Variants in CUX1 observed in about 807,000 individuals in gnomAD.
CUX1 encodes the protein cut like homeobox 1.
Under a neutral mutation model 158.8 loss-of-function variants are expected in CUX1, and 31 were observed. The observed-to-expected ratio is 0.20, with a 90% CI of 0.15 to 0.26. The LOEUF (loss-of-function observed/expected upper bound fraction) is 0.26. CUX1 is among the 10% of genes least tolerant of loss of function. CUX1 has a pLI of 1.00. For synonymous variants in CUX1, 879 were observed against 862.1 expected, an observed-to-expected ratio of 1.02 and a Z score of -0.34; for missense variants, 1,589 against 2,014.6, an observed-to-expected ratio of 0.79 and a Z score of 4.04.
chr7:102,055,032 C>T (rs1394207460), intron 3 of CUX1, among the ~76,000 whole-genome samples: 1 of 151,612 alleles, frequency 6.6e-6, no homozygotes, highest in African/African-American at 2.4e-5. Flanking sequence ...AAATCAACTT[C>T]GTGACTATTG....
intron 8 of CUX1, among the ~76,000 whole-genome samples, chr7:102,151,905 C>G (rs1418153948): frequency 6.6e-6 from 1 of 151,596 alleles, no homozygotes; most frequent in South Asian, 2.1e-4. Flanking sequence ...AAGAATACCT[C>G]CTTAGAAAAA....
At chr7:101,862,962 A>G (rs1489321015) in intron 1 of CUX1, among the ~76,000 whole-genome samples, 3 of 152,058 alleles carry the variant, frequency 2.0e-5, no homozygotes, top group African/African-American at 7.3e-5. Context: ...AAGATCATGA[A>G]TGCTTTTGTG....
intron 1 of CUX1, among the ~76,000 whole-genome samples, chr7:101,888,224 G>A (rs910930592): frequency 9.2e-5 from 14 of 152,060 alleles, no homozygotes; most frequent in African/African-American, 2.7e-4. Context: ...CCAGCTACTC[G>A]GGAGGCTGAG....
intron 18 of CUX1, among the ~76,000 whole-genome samples, chr7:102,278,657 A>AAAAATAT (rs1214008717): frequency 4.0e-5 from 4 of 99,106 alleles, no homozygotes; most frequent in African/African-American, 1.3e-4. Flanking sequence ...AATAAAATAA[A>AAAAATAT]AAAATAAAAT....
At chr7:101,990,430 G>A (rs964443871) in intron 2 of CUX1, among the ~76,000 whole-genome samples, 6 of 151,934 alleles carry the variant, frequency 3.9e-5, no homozygotes, top group South Asian at 2.1e-4. Context: ...AGGCTGGAGT[G>A]CAGTGGTGAG....
chr7:102,193,986 A>G, intron 13 of CUX1, 96 bp downstream of exon 13: 1 of 1,216,750 alleles, frequency 8.2e-7, no homozygotes, highest in Non-Finnish European at 1.2e-6. Context: ...TGTTTCTACG[A>G]GACCTCTCAC....
chr7:102,249,464 CTTTTTT>C lies in CUX1; in HGVS notation c.*423_*428del, dbSNP rs1801247508. 1 of 983,678 alleles carries C rather than the reference CTTTTTT, an allele frequency of 1.0e-6. No homozygotes were observed. The highest frequency in any genetic ancestry group is 1.2e-6 in the Non-Finnish European group (1 of 828,040). 60.9% of individuals were successfully genotyped at this position (983,678 alleles called of 1,614,324 possible). A position where few individuals can be genotyped will look rare whatever the true frequency, so the allele number is the denominator to read the frequency against. On this transcript the variant is annotated 3_prime_UTR_variant, in exon 24 of 24. Transcript: ENST00000292535. ...AAGAAAACGGAAATGTGTGGTCGAG[CTTTTTT>C]GTACCCTGAAGTGTTTTTTTTATTG...
chr7:101,920,298 A>G (rs1368233614), intron 2 of CUX1, among the ~76,000 whole-genome samples: 3 of 150,954 alleles, frequency 2.0e-5, no homozygotes, highest in Admixed American at 6.6e-5. Context: ...ATTTTTTTGT[A>G]TTTTTAGTAG....
intron 6 of CUX1, among the ~76,000 whole-genome samples, chr7:102,109,893 T>C (rs1699032364): frequency 6.6e-6 from 1 of 152,136 alleles, no homozygotes; most frequent in African/African-American, 2.4e-5. Context: ...TACAGCAGTA[T>C]CTCCACAATG....
At chr7:102,081,120 T>C (rs546591771) in intron 4 of CUX1, among the ~76,000 whole-genome samples, 70 of 152,302 alleles carry the variant, frequency 4.6e-4, no homozygotes, top group African/African-American at 1.6e-3. Flanking sequence ...CTCCTTAGAC[T>C]TTTGTGGCCT....
chr7:101,850,542 G>A (rs1022795001), intron 1 of CUX1, among the ~76,000 whole-genome samples: 5 of 150,738 alleles, frequency 3.3e-5, no homozygotes, highest in African/African-American at 9.8e-5. Context: ...CACTGTGCCC[G>A]GCTAATTGTT....
intron 8 of CUX1, among the ~76,000 whole-genome samples, chr7:102,157,955 G>A (rs1789960690): frequency 6.6e-6 from 1 of 152,180 alleles, no homozygotes; most frequent in Non-Finnish European, 1.5e-5. Context: ...AATGAACCCA[G>A]GCTGTCTGCA....
chr7:102,165,725 G>GT (rs782147249), intron 9 of CUX1, among the ~76,000 whole-genome samples: 2 of 152,134 alleles, frequency 1.3e-5, no homozygotes, highest in Non-Finnish European at 2.9e-5. Context: ...ATGGGCAGGG[G>GT]TTGGGGGGCC....
At chr7:102,036,971 C>CGAGGG (rs1436391246) in intron 3 of CUX1, among the ~76,000 whole-genome samples, 3 of 152,120 alleles carry the variant, frequency 2.0e-5, no homozygotes, top group African/African-American at 4.8e-5. Context: ...CAAGCAGTTC[C>CGAGGG]CTTGAGCCCT....
intron 8 of CUX1, among the ~76,000 whole-genome samples, chr7:102,126,331 G>A (rs568738356): frequency 7.9e-5 from 12 of 152,092 alleles, no homozygotes; most frequent in South Asian, 2.1e-4. Context: ...GAGGTACCAC[G>A]CCCGGCCCGT....
chr7:101,999,217 C>CTTTTTTTTTTTTTTT (rs3988167), intron 2 of CUX1, among the ~76,000 whole-genome samples: 2 of 85,834 alleles, frequency 2.3e-5, no homozygotes, highest in Admixed American at 1.7e-4. Flanking sequence ...TTTTTTTTAC[C>CTTTTTTTTTTTTTTT]TTTTTTTTTT....
At chr7:102,190,381 A>G (rs781802569) in intron 12 of CUX1, among the ~76,000 whole-genome samples, 6 of 152,008 alleles carry the variant, frequency 3.9e-5, no homozygotes, top group Non-Finnish European at 8.8e-5. Flanking sequence ...TCAAGCTTCA[A>G]AGTTCCTTTC....
chr7:102,109,981 T>C (rs567981249), intron 6 of CUX1, among the ~76,000 whole-genome samples: 1 of 152,194 alleles, frequency 6.6e-6, no homozygotes, highest in African/African-American at 2.4e-5. Flanking sequence ...AATTATTTAA[T>C]AAGAATGAGG....
chr7:102,231,871 GC>G (rs1304123400), intron 21 of CUX1, among the ~76,000 whole-genome samples: 6 of 151,650 alleles, frequency 4.0e-5, no homozygotes, highest in African/African-American at 1.5e-4. Flanking sequence ...CCACCACCAC[GC>G]CCAGCTAATT....
Sources: allele counts gnomAD v4.1 joint callset (sites outside exome capture counted in the v4.1 genomes callset), GRCh38; gene constraint gnomAD v4.1.1; transcripts MANE v1.5; gene names NCBI Gene and HGNC (gene_info 2026-07-23, HGNC 2026-07-21).